C1QTNF6: variants seen among roughly 807,000 people sequenced by gnomAD.
C1QTNF6 encodes C1q and TNF related 6.
C1QTNF6 carries 17 observed loss-of-function variants against 20.7 expected under a neutral mutation model. That is an observed-to-expected ratio of 0.82 (90% CI 0.56 to 1.23). The LOEUF is 1.23. Ranked by LOEUF, C1QTNF6 falls within the 50% of genes most tolerant of loss-of-function variation. The pLI, the probability that C1QTNF6 is intolerant of heterozygous loss-of-function variation, is 0.00. For missense variants in C1QTNF6, 329 were observed against 389.7 expected (o/e 0.84, Z 1.31); for synonymous variants, 130 against 156.3 (o/e 0.83, Z 1.25).
chr22:37,188,144 G>A lies in C1QTNF6; in HGVS notation c.51+19C>T. 2.5e-6 allele frequency: 4 copies of A among 1,600,778 alleles called. No homozygotes were observed. The highest frequency in any genetic ancestry group is 2.6e-6 in the Non-Finnish European group (3 of 1,173,226). ...CTCTGACCCCAGCCCCCAAGCTTGA[G>A]GAGCCTCTGGTCACTCACCCTGTGT... On this transcript the variant is annotated intron_variant, in intron 1 of 2. Transcript: ENST00000337843.
chr22:37,188,187 C>G lies in C1QTNF6; in HGVS notation c.27G>C (p.Ser9=). ...CCCTGTGTCCTGTGGCCTCCCCAGG[C>G]GACTCACGGACCCTGAGCCACTGCA... MQWLRVRE[S]PGEATGHRVT... Residue 9 remains serine (S), a synonymous_variant, in exon 1 of 3, where the codon TCG becomes TCC. Coordinates refer to ENST00000337843, the MANE Select transcript of C1QTNF6 (RefSeq NM_031910.4). 1 of 1,609,480 alleles carries G rather than the reference C, an allele frequency of 6.2e-7. No individual in the cohort carries two copies. Among genetic ancestry groups the G allele is most frequent in the Admixed American group, 1.7e-5 (1 of 59,598 alleles).
upstream of C1QTNF6, chr22:37,188,271 C>A: frequency 6.9e-7 from 1 of 1,445,428 alleles, no homozygotes; most frequent in Admixed American, 1.9e-5. Context: ...CCCAGACCCC[C>A]AGGCCCAGCA....
upstream of C1QTNF6, among the ~76,000 whole-genome samples, chr22:37,189,183 A>T (rs1924647636): frequency 6.6e-6 from 1 of 152,188 alleles, no homozygotes; most frequent in Admixed American, 6.5e-5. Flanking sequence ...TGCTGGTAGA[A>T]GTGTGTTTTA....
chr22:37,182,754 G>A lies in C1QTNF6; in HGVS notation c.290-19C>T, dbSNP rs778978563. The A allele has an allele frequency of 1.3e-5, 21 of 1,570,678 alleles. No individual in the cohort carries two copies. The highest frequency in any genetic ancestry group is 2.3e-5 in the East Asian group (1 of 43,224). Reference sequence around the variant, plus strand: ...TTGTCACCTGTGGGGATAAAAAGGGGACAAGTCAGGGTGGACATCTGAGCC... The same window carrying A: ...TTGTCACCTGTGGGGATAAAAAGGGAACAAGTCAGGGTGGACATCTGAGCC... On this transcript the variant is annotated intron_variant, in intron 2 of 2. Coordinates refer to ENST00000337843, the MANE Select transcript of C1QTNF6 (RefSeq NM_031910.4).
upstream of C1QTNF6, among the ~76,000 whole-genome samples, chr22:37,190,128 A>T (rs1924714555): frequency 6.6e-6 from 1 of 152,258 alleles, no homozygotes; most frequent in African/African-American, 2.4e-5. Context: ...AAAACAATGG[A>T]TGAGACTAGA....
At chr22:37,199,074 A>G (rs1418071195), upstream of C1QTNF6, among the ~76,000 whole-genome samples, 1 of 152,178 alleles carries the variant, frequency 6.6e-6, no homozygotes, top group Non-Finnish European at 1.5e-5. Context: ...TGATTGTTGG[A>G]GGGGAAACCG....
At chr22:37,196,674 G>C (rs149453574) in intron 1 of C1QTNF6, 4 of 152,254 alleles carry the variant, frequency 2.6e-5, no homozygotes, top group Admixed American at 6.5e-5. Flanking sequence ...GAATTCCCTC[G>C]GGGCTTGGGC....
upstream of C1QTNF6, chr22:37,197,921 C>A (rs1186104981): frequency 6.6e-6 from 1 of 152,368 alleles, no homozygotes; most frequent in Non-Finnish European, 1.5e-5. Context: ...TGACCTCGGG[C>A]AAGTTTACCT....
At position 37,184,926 on chromosome 22, in the gene C1QTNF6, A is replaced by G. The variant is rs1034351478; in HGVS notation, c.289+292T>C. On this transcript the variant is annotated intron_variant, in intron 2 of 2. Transcript: ENST00000337843. This position sits in a 1 kb window ranked among gnomAD's most constrained non-coding sequence, Gnocchi z 4.0. The stretch of plus-strand genomic sequence containing the variant: ...ACCCGCACTCCTGAAGCCCCTTTTC[A>G]TTTCCCAGAGCACTGATCACCATCG... Among the ~76,000 whole-genome samples, 1 of 151,674 alleles carries G rather than the reference A, an allele frequency of 6.6e-6. No individual in the cohort carries two copies. The highest frequency in any genetic ancestry group is 2.4e-5 in the African/African-American group (1 of 41,250).
At chr22:37,198,561 G>C (rs1925289073), upstream of C1QTNF6, among the ~76,000 whole-genome samples, 1 of 152,238 alleles carries the variant, frequency 6.6e-6, no homozygotes, top group Non-Finnish European at 1.5e-5. Flanking sequence ...CCGCTATGTA[G>C]GCTCTGAGTG....
Position 37,184,589 on chromosome 22 carries a change from G to A in C1QTNF6, c.289+629C>T, listed in dbSNP as rs891057901. Among the ~76,000 whole-genome samples, 6 of 151,568 alleles carry A rather than the reference G, an allele frequency of 4.0e-5. No individual in the cohort carries two copies. The highest frequency in any genetic ancestry group is 5.9e-5 in the Non-Finnish European group (4 of 67,884). ...CAGGCCCCACAGGGCTGCATGCTCC[G>A]ACCCTCGGCCCCCGCTGGTTGCTCT... On this transcript the variant is annotated intron_variant, in intron 2 of 2. Transcript: ENST00000337843. This position sits in a 1 kb window ranked among gnomAD's most constrained non-coding sequence, Gnocchi z 4.0.
upstream of C1QTNF6, chr22:37,197,778 C>T (rs1197489049): frequency 6.6e-6 from 1 of 152,284 alleles, no homozygotes; most frequent in African/African-American, 2.4e-5. Flanking sequence ...GAAAATTCCT[C>T]CATTTGTGCG....
chr22:37,188,288 GGA>G (rs1052428745), upstream of C1QTNF6: 10 of 1,412,314 alleles, frequency 7.1e-6, no homozygotes, highest in African/African-American at 5.7e-5. Context: ...AGCAGAGGAG[GGA>G]GAGAGGAGGG....
chr22:37,188,631 G>A (rs1014276724), upstream of C1QTNF6, among the ~76,000 whole-genome samples: 1 of 152,246 alleles, frequency 6.6e-6, no homozygotes. Flanking sequence ...AGTCACAGAG[G>A]CAGGGTGGGT....
intron 1 of C1QTNF6, chr22:37,195,577 GAAGTA>G (rs1434575663): frequency 3.9e-5 from 6 of 152,214 alleles, no homozygotes; most frequent in Non-Finnish European, 7.3e-5. Flanking sequence ...AGTTTACAGA[GAAGTA>G]AAGAAACAAA....
At chr22:37,185,482 C>T (rs1423629702) in intron 1 of C1QTNF6, 27 bp from the exon 2 acceptor site, 1 of 1,560,400 alleles carries the variant, frequency 6.4e-7, no homozygotes, top group Non-Finnish European at 8.7e-7. Context: ...GGGACAGGAA[C>T]TATACTTCAC....
chr22:37,183,975 G>T (rs994185773), intron 2 of C1QTNF6, among the ~76,000 whole-genome samples: 6 of 152,132 alleles, frequency 3.9e-5, no homozygotes, highest in Admixed American at 1.3e-4. Flanking sequence ...CCAGCCCGAG[G>T]TCCCTCACGG....
chr22:37,183,447 A>G (rs1177236656), intron 2 of C1QTNF6, among the ~76,000 whole-genome samples: 5 of 152,252 alleles, frequency 3.3e-5, no homozygotes, highest in Admixed American at 2.0e-4. Context: ...GTCTGGCAGC[A>G]TCTACAATGG....
Position 37,186,480 on chromosome 22 carries a change from T to C in C1QTNF6, c.52-1025A>G, listed in dbSNP as rs770701567. On this transcript the variant is annotated intron_variant, in intron 1 of 2. Coordinates refer to ENST00000337843, the MANE Select transcript of C1QTNF6 (RefSeq NM_031910.4). ...GCCAATCAGATGCCAAGGTGGTAAA[T>C]TGGAATTAAGGGGTAGGACTAGGAG... Among the ~76,000 whole-genome samples the C allele has an allele frequency of 3.3e-5, 5 of 152,248 alleles. No homozygotes were observed. The South Asian group carries it at 6.2e-4, about 19-fold the overall frequency.
Sources: allele counts gnomAD v4.1 joint callset (sites outside exome capture counted in the v4.1 genomes callset), GRCh38; gene constraint gnomAD v4.1.1; non-coding constraint Gnocchi (gnomAD v3.1); transcripts MANE v1.5; gene names NCBI Gene and HGNC (gene_info 2026-07-23, HGNC 2026-07-21).